DNAH11: variants seen among roughly 807,000 people sequenced by gnomAD.
DNAH11 encodes dynein axonemal heavy chain 11.
In DNAH11, 442 loss-of-function variants were observed where a neutral mutation model predicts 526.0. The observed-to-expected ratio is 0.84, with a 90% CI of 0.78 to 0.91. The LOEUF (loss-of-function observed/expected upper bound fraction) is 0.91. Among genes scored for constraint, DNAH11 ranks in the 40% least tolerant of loss-of-function variants. The pLI is 0.00. For missense variants in DNAH11, 6,989 were observed against 5,448.7 expected, an observed-to-expected ratio of 1.28 and a Z score of -8.90; for synonymous variants, 2,461 against 1,935.9, an observed-to-expected ratio of 1.27 and a Z score of -7.12.
In DNAH11 at chr7:21,588,493, C is replaced by T. The variant is rs1025467847; in HGVS notation, c.1849-19C>T. The stretch of plus-strand genomic sequence containing the variant: ...TAAATGTTCCCTTTCTTCCTCTTCA[C>T]CAAAATATCAACTTGCAGATTGAAT... On this transcript the variant is annotated intron_variant, in intron 10 of 81. Coordinates refer to ENST00000409508, the MANE Select transcript of DNAH11 (RefSeq NM_001277115.2). The T allele has an allele frequency of 1.2e-6, 2 of 1,612,110 alleles. No homozygotes were observed. The highest frequency in any genetic ancestry group is 1.3e-5 in the African/African-American group (1 of 74,854).
chr7:21,755,935 A>G (rs1286031324), intron 54 of DNAH11, among the ~76,000 whole-genome samples: 2 of 152,120 alleles, frequency 1.3e-5, no homozygotes, highest in African/African-American at 2.4e-5. Context: ...ATTGTTGGTT[A>G]TAGGAGCACT....
At chr7:21,689,571 A>G (rs529474396) in intron 34 of DNAH11, among the ~76,000 whole-genome samples, 1 of 152,300 alleles carries the variant, frequency 6.6e-6, no homozygotes, top group South Asian at 2.1e-4. Context: ...ACAATGGGAG[A>G]AGAGGCAGTT....
rs1319902781 is a variant in DNAH11 at position 21,873,518 on chromosome 7, G to C, written c.12195+17G>C. The C allele has an allele frequency of 6.2e-7, 1 of 1,611,560 alleles. No individual in the cohort carries two copies. Among genetic ancestry groups the C allele is most frequent in the Non-Finnish European group, 8.5e-7 (1 of 1,178,128 alleles). ...TTTGATCAGGTAAGAAAGCGAAGCAGGCTAGGCAGACAATGAAGTCAGAGT... is the reference window on the plus strand; with the variant it reads ...TTTGATCAGGTAAGAAAGCGAAGCACGCTAGGCAGACAATGAAGTCAGAGT... On this transcript the variant is annotated intron_variant, in intron 74 of 81. Coordinates refer to ENST00000409508, the MANE Select transcript of DNAH11 (RefSeq NM_001277115.2).
chr7:21,575,133 TC>T (rs1039040003), intron 8 of DNAH11, among the ~76,000 whole-genome samples: 25 of 152,130 alleles, frequency 1.6e-4, no homozygotes, highest in Non-Finnish European at 3.2e-4. Context: ...TGCCTCGGCC[TC>T]CAAAAGTGCT....
chr7:21,751,390 C>T lies in DNAH11; in HGVS notation c.8940+1026C>T, dbSNP rs544311912. Reference sequence around the variant, plus strand: ...CCCCAGTGTTCTTCCTCATTGGCTGCTCTGTGCTATAGTGTATCACATAGG... The same window carrying T: ...CCCCAGTGTTCTTCCTCATTGGCTGTTCTGTGCTATAGTGTATCACATAGG... On this transcript the variant is annotated intron_variant, in intron 54 of 81. Coordinates refer to ENST00000409508, the MANE Select transcript of DNAH11 (RefSeq NM_001277115.2). Among the ~76,000 whole-genome samples the T allele has an allele frequency of 2.6e-5, 4 of 152,250 alleles. No individual in the cohort carries two copies. The South Asian group carries it at 8.3e-4, about 32-fold the overall frequency.
chr7:21,804,451 A>C (rs1162805877), intron 62 of DNAH11, among the ~76,000 whole-genome samples: 1 of 152,156 alleles, frequency 6.6e-6, no homozygotes, highest in Non-Finnish European at 1.5e-5. Context: ...CACAAATTTA[A>C]CTAATTCACC....
chr7:21,727,637 A>G lies in DNAH11; in HGVS notation c.7440+1653A>G, dbSNP rs185829909. On this transcript the variant is annotated intron_variant, in intron 45 of 81. Coordinates refer to ENST00000409508, the MANE Select transcript of DNAH11 (RefSeq NM_001277115.2). Reference sequence around the variant, plus strand: ...TTCATATTATTTCTTCCTCAAAATCATGTCATTCTGACTCATTTTGGAGCT... The same window carrying G: ...TTCATATTATTTCTTCCTCAAAATCGTGTCATTCTGACTCATTTTGGAGCT... Among the ~76,000 whole-genome samples, 13 of 152,298 alleles carry G rather than the reference A, an allele frequency of 8.5e-5. 1 individual carries two copies. The East Asian group carries it at 2.5e-3, about 29-fold the overall frequency.
At chr7:21,784,998 G>T (rs141387430) in intron 58 of DNAH11, among the ~76,000 whole-genome samples, 423 of 152,266 alleles carry the variant, frequency 2.8e-3, no homozygotes, top group African/African-American at 9.8e-3. Context: ...CCATTTCTTC[G>T]AGCTTCATGT....
At chr7:21,847,979 C>G (rs1782480991) in intron 66 of DNAH11, among the ~76,000 whole-genome samples, 1 of 151,948 alleles carries the variant, frequency 6.6e-6, no homozygotes, top group Non-Finnish European at 1.5e-5. Flanking sequence ...TCCTGGCTAA[C>G]ATGGTGAAAC....
At chr7:21,867,748 A>G (rs1340495040) in intron 71 of DNAH11, 111 bp from the exon 72 acceptor site, 2 of 955,438 alleles carry the variant, frequency 2.1e-6, no homozygotes, top group Non-Finnish European at 3.2e-6. Flanking sequence ...ATCCCATGTA[A>G]TAAACCTGGT....
intron 42 of DNAH11, 99 bp from the exon 43 acceptor site, chr7:21,717,676 G>A: frequency 1.4e-6 from 2 of 1,415,082 alleles, no homozygotes; most frequent in Non-Finnish European, 1.9e-6. Context: ...TCCTTGAAGT[G>A]TTGCACCAAG....
Position 21,778,958 on chromosome 7 carries a change from G to T in DNAH11, c.9337G>T (p.Val3113Leu). ...IQKLKTTASQVGDLKARLASQ... is the reference protein window; with the variant it reads ...IQKLKTTASQLGDLKARLASQ... The stretch of plus-strand genomic sequence containing the variant: ...GTAAGAATAATGACTTTTGCTTTAG[G>T]TGGGAGATCTAAAAGCCAGACTTGC... The change falls in exon 57 of 82, where the codon GTG (valine) becomes TTG (leucine). Residue 3113 changes from valine to leucine, a missense_variant and splice_region_variant. By Grantham distance (32) the Val-to-Leu change is conservative. Transcript: ENST00000409508. 6.2e-7 allele frequency: 1 copy of T among 1,612,792 alleles called. No individual in the cohort carries two copies. Among genetic ancestry groups the T allele is most frequent in the South Asian group, 1.1e-5 (1 of 90,992 alleles).
rs1172751114 is a variant in DNAH11 at position 21,683,772 on chromosome 7, C to G, written c.5461-12C>G. 1 of 1,581,370 alleles carries G rather than the reference C, an allele frequency of 6.3e-7. No individual in the cohort carries two copies. The highest frequency in any genetic ancestry group is 8.6e-7 in the Non-Finnish European group (1 of 1,163,038). Reference sequence around the variant, plus strand: ...CAGTGTCCTGCGTATGATGATTATGCAATGCCTTTAGGTTGTCAGTCCCCA... The same window carrying G: ...CAGTGTCCTGCGTATGATGATTATGGAATGCCTTTAGGTTGTCAGTCCCCA... On this transcript the variant is annotated splice_polypyrimidine_tract_variant and intron_variant, in intron 31 of 81. Coordinates refer to ENST00000409508, the MANE Select transcript of DNAH11 (RefSeq NM_001277115.2).
chr7:21,666,019 A>G (rs557857338), intron 30 of DNAH11, among the ~76,000 whole-genome samples: 144 of 152,282 alleles, frequency 9.5e-4, no homozygotes, highest in African/African-American at 3.4e-3. Flanking sequence ...AGTTTTTTAA[A>G]TGAGCTTTAG....
intron 30 of DNAH11, among the ~76,000 whole-genome samples, chr7:21,665,410 T>A (rs1782385968): frequency 6.6e-6 from 1 of 152,270 alleles, no homozygotes; most frequent in South Asian, 2.1e-4. Context: ...GTATTTTTAT[T>A]TATTCAGGAT....
chr7:21,619,796 A>T (rs1180254775), intron 24 of DNAH11, among the ~76,000 whole-genome samples, 160 bp from the exon 25 acceptor site: 3 of 152,298 alleles, frequency 2.0e-5, no homozygotes, highest in East Asian at 3.9e-4. Context: ...CATTCTTCAA[A>T]CCCCATTAGC....
chr7:21,584,243 C>T (rs1219844915), intron 9 of DNAH11, among the ~76,000 whole-genome samples: 2 of 152,148 alleles, frequency 1.3e-5, no homozygotes, highest in African/African-American at 4.8e-5. Context: ...GAATACTATG[C>T]AGCCATAAAG....
intron 2 of DNAH11, among the ~76,000 whole-genome samples, chr7:21,547,367 C>T (rs570493792): frequency 2.8e-4 from 43 of 152,248 alleles, no homozygotes; most frequent in Non-Finnish European, 4.1e-4. Context: ...CTCGGAGACA[C>T]GCAGTACAGC....
chr7:21,638,698 G>A (rs1042585438), intron 27 of DNAH11, among the ~76,000 whole-genome samples: 2 of 118,832 alleles, frequency 1.7e-5, no homozygotes, highest in African/African-American at 7.6e-5. Flanking sequence ...TGGGGTGTGT[G>A]TGTGTGTGTG....
Sources: gnomAD v4.1 joint callset for allele counts (sites outside exome capture counted in the v4.1 genomes callset) on GRCh38, gnomAD v4.1.1 for gene constraint, MANE v1.5 for transcripts, NCBI Gene and HGNC (gene_info 2026-07-23, HGNC 2026-07-21) for gene names.